IKZF3: variants seen among roughly 807,000 people sequenced by gnomAD.
IKZF3 encodes the protein zinc finger protein Aiolos.
In IKZF3, 10 loss-of-function variants were observed where a neutral mutation model predicts 49.0. The observed-to-expected ratio is 0.20, with a 90% confidence interval of 0.13 to 0.35. The LOEUF is 0.35. IKZF3 is among the 10% of genes least tolerant of loss of function. IKZF3 has a pLI of 1.00. For missense variants in IKZF3, 498 were observed against 664.8 expected, an observed-to-expected ratio of 0.75 and a Z score of 2.76; for synonymous variants, 209 against 228.2, an observed-to-expected ratio of 0.92 and a Z score of 0.76.
At chr17:39,796,660 C>A (rs1225311263) in intron 3 of IKZF3, among the ~76,000 whole-genome samples, 2 of 151,420 alleles carry the variant, frequency 1.3e-5, no homozygotes, top group Non-Finnish European at 2.9e-5. Context: ...CCTGCCTCAG[C>A]CTCCTGAGTA....
chr17:39,758,730 T>G lies in IKZF3; in HGVS notation c.*7060A>C, dbSNP rs1470077779. 6.6e-6 allele frequency: 1 copy of G among 151,570 alleles called. No homozygotes were observed. The highest frequency in any genetic ancestry group is 6.6e-5 in the Admixed American group (1 of 15,198). 9.4% of individuals were successfully genotyped at this position (151,570 alleles called of 1,614,324 possible). A position where few individuals can be genotyped will look rare whatever the true frequency, so the allele number is the denominator to read the frequency against. On this transcript the variant is annotated 3_prime_UTR_variant, in exon 8 of 8. Coordinates refer to ENST00000346872, the MANE Select transcript of IKZF3 (RefSeq NM_012481.5). ...CCATGAAGTGTCTATAGCACGTGGTTAGCTCACGCTGGTTCCAAGGGTCAG... is the reference window on the plus strand; with the variant it reads ...CCATGAAGTGTCTATAGCACGTGGTGAGCTCACGCTGGTTCCAAGGGTCAG...
At chr17:39,863,072 A>G (rs1357431837) in intron 1 of IKZF3, among the ~76,000 whole-genome samples, 1 of 152,194 alleles carries the variant, frequency 6.6e-6, no homozygotes, top group Non-Finnish European at 1.5e-5. Flanking sequence ...TATTTTTCCC[A>G]TAGTATACAA....
In IKZF3 at chr17:39,759,285, C is replaced by T. The variant is rs1391661894; in HGVS notation, c.*6505G>A. On this transcript the variant is annotated 3_prime_UTR_variant, in exon 8 of 8. Transcript: ENST00000346872. ...ACAAAAATTAGCTGGGTGTGGTGACCCACGCCTGTAGTCTCAGCTAGTTGG... is the reference window on the plus strand; with the variant it reads ...ACAAAAATTAGCTGGGTGTGGTGACTCACGCCTGTAGTCTCAGCTAGTTGG... 1 of 151,966 alleles carries T rather than the reference C, an allele frequency of 6.6e-6. No homozygotes were observed. The highest frequency in any genetic ancestry group is 1.5e-5 in the Non-Finnish European group (1 of 68,000). 9.4% of individuals were successfully genotyped at this position (151,966 alleles called of 1,614,324 possible).
chr17:39,829,288 T>C lies in IKZF3; in HGVS notation c.163+99A>G. On this transcript the variant is annotated intron_variant, in intron 3 of 7. Coordinates refer to ENST00000346872, the MANE Select transcript of IKZF3 (RefSeq NM_012481.5). The stretch of plus-strand genomic sequence containing the variant: ...AAACAGAATCACTCCTAACTAAACC[T>C]ACAATTGCAAGTTTTCCTTGGAGAG... 6 of 802,030 alleles carry C rather than the reference T, an allele frequency of 7.5e-6. No homozygotes were observed. In the South Asian group the frequency reaches 1.1e-4, roughly 14 times the overall value. 49.7% of individuals were successfully genotyped at this position (802,030 alleles called of 1,614,324 possible).
chr17:39,794,142 G>C (rs2143907969), intron 3 of IKZF3, among the ~76,000 whole-genome samples: 1 of 152,296 alleles, frequency 6.6e-6, no homozygotes, highest in South Asian at 2.1e-4. Context: ...GGAAATCTGG[G>C]AGCAGAGATG....
Position 39,763,312 on chromosome 17 carries a change from C to T in IKZF3, c.*2478G>A, listed in dbSNP as rs529249551. 7 of 152,096 alleles carry T rather than the reference C, an allele frequency of 4.6e-5. No homozygotes were observed. Among genetic ancestry groups the T allele is most frequent in the Non-Finnish European group, 1.0e-4 (7 of 68,030 alleles). The allele number at this position is 152,096 out of a possible 1,614,324, so 9.4% of individuals were successfully genotyped here. ...ATTTTAATTACTGGCAGCACATAGA[C>T]GAGTTGAGTTGGAGCCGAATGCATA... On this transcript the variant is annotated 3_prime_UTR_variant, in exon 8 of 8. Transcript: ENST00000346872.
chr17:39,846,403 C>T lies in IKZF3; in HGVS notation c.8-14252G>A, dbSNP rs539308638. Among the ~76,000 whole-genome samples the T allele has an allele frequency of 4.6e-5, 7 of 151,082 alleles. No individual in the cohort carries two copies. In the South Asian group the frequency reaches 6.3e-4, roughly 13 times the overall value. On this transcript the variant is annotated intron_variant, in intron 1 of 7. Transcript: ENST00000346872. ...TACTAAGAGATGATAATTTCAAATT[C>T]GTTTTTGGCTTTTTAGATTCTCTTT...
intron 5 of IKZF3, 57 bp from the exon 6 acceptor site, chr17:39,788,431 G>A: frequency 9.7e-7 from 1 of 1,033,746 alleles, no homozygotes; most frequent in Non-Finnish European, 1.5e-6. Flanking sequence ...CACAGGTCAG[G>A]TATTGGGGCT....
At chr17:39,776,751 G>A (rs2060599636) in intron 7 of IKZF3, among the ~76,000 whole-genome samples, 1 of 152,202 alleles carries the variant, frequency 6.6e-6, no homozygotes, top group African/African-American at 2.4e-5. Context: ...ATCTGTAAGA[G>A]CTATTGAGAA....
At chr17:39,779,064 A>G (rs2060662170) in intron 6 of IKZF3, among the ~76,000 whole-genome samples, 1 of 152,264 alleles carries the variant, frequency 6.6e-6, no homozygotes, top group East Asian at 1.9e-4. Context: ...GAGAACTACT[A>G]GAAGAGTATA....
At chr17:39,805,924 C>T (rs2061423064) in intron 3 of IKZF3, among the ~76,000 whole-genome samples, 1 of 152,210 alleles carries the variant, frequency 6.6e-6, no homozygotes, top group African/African-American at 2.4e-5. Context: ...AGAGAGGTTT[C>T]TACTAACAAT....
Position 39,777,747 on chromosome 17 carries a change from T to C in IKZF3, c.730A>G (p.Ile244Val). 3 of 1,613,894 alleles carry C rather than the reference T, an allele frequency of 1.9e-6. No individual in the cohort carries two copies. Among genetic ancestry groups the C allele is most frequent in the Non-Finnish European group, 2.5e-6 (3 of 1,179,912 alleles). The stretch of plus-strand genomic sequence containing the variant: ...CTTTCACTTCCCATCTCTGCTTTGA[T>C]GTGTCTTGCCTCCGCACTTGCTAGT... ...GDTASAEARH[I>V]KAEMGSERAL... Residue 244 changes from isoleucine to valine, a missense_variant, in exon 7 of 8, where the codon ATC (isoleucine) becomes GTC (valine). Around this residue, in one of 3 missense-constraint regions of IKZF3, gnomAD observed 317 missense variants for 397.3 expected, o/e 0.80. Coordinates refer to ENST00000346872, the MANE Select transcript of IKZF3 (RefSeq NM_012481.5).
intron 1 of IKZF3, among the ~76,000 whole-genome samples, chr17:39,859,786 T>A (rs1015014590): frequency 6.6e-6 from 1 of 152,242 alleles, no homozygotes; most frequent in Non-Finnish European, 1.5e-5. Context: ...GGCCTTGTGA[T>A]GTGTAGGGTC....
At chr17:39,839,554 G>A (rs1055140394) in intron 1 of IKZF3, 3 of 520,438 alleles carry the variant, frequency 5.8e-6, no homozygotes, top group Admixed American at 2.5e-5. Context: ...CACACACCAC[G>A]ATGGCGGAGA....
chr17:39,801,517 G>A (rs2061317082), intron 3 of IKZF3, among the ~76,000 whole-genome samples: 1 of 152,192 alleles, frequency 6.6e-6, no homozygotes, highest in Non-Finnish European at 1.5e-5. Flanking sequence ...TAGGTATTCA[G>A]TCTACAAAGT....
chr17:39,864,140 C>A lies in IKZF3; in HGVS notation c.-14G>T. The A allele has an allele frequency of 6.2e-7, 1 of 1,612,092 alleles. No homozygotes were observed. Among genetic ancestry groups the A allele is most frequent in the South Asian group, 1.1e-5 (1 of 91,042 alleles). On this transcript the variant is annotated 5_prime_UTR_variant, in exon 1 of 8. Transcript: ENST00000346872. ...CTCACCTTCCATGTCGCTGCCGGGCCGGGCTGGAGCTGCCGCTGTGGCTAC... is the reference window on the plus strand; with the variant it reads ...CTCACCTTCCATGTCGCTGCCGGGCAGGGCTGGAGCTGCCGCTGTGGCTAC...
In IKZF3 at chr17:39,766,300, G is replaced by A; in HGVS notation, c.1020C>T (p.Ser340=). The change falls in exon 8 of 8, where the codon AGC becomes AGT. Residue 340 remains serine, a synonymous_variant. Coordinates refer to ENST00000346872, the MANE Select transcript of IKZF3 (RefSeq NM_012481.5). The part of the protein sequence containing the change: ...PTSEMVPVIS[S]MYPIALTRAE... ...CCCGGGTGAGGGCTATGGGATACAT[G>A]CTGCTGATAACTGGAACCATCTCCG... is the stretch of plus-strand genomic sequence containing the variant. 1 of 1,614,186 alleles carries A rather than the reference G, an allele frequency of 6.2e-7. No homozygotes were observed. The highest frequency in any genetic ancestry group is 8.5e-7 in the Non-Finnish European group (1 of 1,180,040).
chr17:39,787,315 A>C (rs1360498825), intron 6 of IKZF3, among the ~76,000 whole-genome samples: 1 of 152,272 alleles, frequency 6.6e-6, no homozygotes, highest in Admixed American at 6.5e-5. Flanking sequence ...GAGATATAGA[A>C]GAACATCTAG....
intron 1 of IKZF3, among the ~76,000 whole-genome samples, chr17:39,858,556 G>A (rs1372249229): frequency 6.6e-6 from 1 of 151,942 alleles, no homozygotes; most frequent in Non-Finnish European, 1.5e-5. Context: ...TGTCACCCAG[G>A]CTGGAGTGCA....
Sources: gnomAD v4.1 joint callset for allele counts (sites outside exome capture counted in the v4.1 genomes callset) on GRCh38, gnomAD v4.1.1 for gene constraint, gnomAD v4.1.1 regional missense constraint, MANE v1.5 for transcripts, NCBI Gene and HGNC (gene_info 2026-07-23, HGNC 2026-07-21) for gene names.